Variants in NOX3 observed in about 807,000 individuals in gnomAD.
NOX3 encodes the protein NADPH oxidase 3.
A neutral mutation model predicts 76.7 loss-of-function variants in NOX3; 74 were observed. The ratio of observed to expected loss-of-function variants is 0.96; its 90% CI spans 0.80 to 1.17. The LOEUF (loss-of-function observed/expected upper bound fraction) is 1.17. Ranked by LOEUF, NOX3 falls within the 50% of genes most tolerant of loss-of-function variation. NOX3 has a pLI of 0.00. For missense variants in NOX3, 695 were observed against 703.3 expected, an observed-to-expected ratio of 0.99 and a Z score of 0.13; for synonymous variants, 263 against 261.1, an observed-to-expected ratio of 1.01 and a Z score of -0.07.
intron 10 of NOX3, among the ~76,000 whole-genome samples, chr6:155,414,748 T>A (rs1317114684): frequency 6.6e-6 from 1 of 151,164 alleles, no homozygotes; most frequent in Non-Finnish European, 1.5e-5. Flanking sequence ...CTGCCTCAGC[T>A]TCCCAAGTAG....
At chr6:155,440,598 G>A (rs1173258674) in intron 5 of NOX3, among the ~76,000 whole-genome samples, 2 of 150,930 alleles carry the variant, frequency 1.3e-5, no homozygotes, top group African/African-American at 4.9e-5. Context: ...CCGTGATGCT[G>A]CCTCTGCATT....
In NOX3 at chr6:155,428,825, G is replaced by A; in HGVS notation, c.1114C>T (p.Gln372Ter). 1.3e-6 allele frequency: 2 copies of A among 1,555,034 alleles called. No individual in the cohort carries two copies. Among genetic ancestry groups the A allele is most frequent in the South Asian group, 1.2e-5 (1 of 82,584 alleles). ...ALLEAFGAEG[Q>*]ALQEPWSLPR... ...AGGCTCCAGGGCTCCTGGAGGGCCT[G>A]TCCCTCTGCCCCAAAGGCCTCCAGT... The change falls in exon 9 of 14, where the codon CAG becomes TAG. Residue 372 changes from glutamine to a stop codon, truncating the protein, a stop_gained. Transcript: ENST00000159060. LOFTEE classifies it high-confidence loss of function.
At chr6:155,433,217 AT>A (rs1776857111) in intron 7 of NOX3, among the ~76,000 whole-genome samples, 1 of 152,130 alleles carries the variant, frequency 6.6e-6, no homozygotes, top group Non-Finnish European at 1.5e-5. Flanking sequence ...CTCCATCTCA[AT>A]CTTAGTATAT....
Position 155,455,029 on chromosome 6 carries a change from C to T in NOX3, c.144+5G>A, listed in dbSNP as rs759983477. 3.7e-6 allele frequency: 6 copies of T among 1,602,450 alleles called. No homozygotes were observed. In the African/African-American group the frequency reaches 8.0e-5, roughly 21 times the overall value. ...AAATAATGTTTAATCATAAACTGTA[C>T]TTACACCCAAAATAACTCGTGTGTA... On this transcript the variant is annotated splice_donor_5th_base_variant and intron_variant, in intron 2 of 13. Coordinates refer to ENST00000159060, the MANE Select transcript of NOX3 (RefSeq NM_015718.3).
At chr6:155,443,623 T>C (rs896689143) in intron 4 of NOX3, among the ~76,000 whole-genome samples, 5 of 152,242 alleles carry the variant, frequency 3.3e-5, no homozygotes, top group African/African-American at 1.2e-4. Context: ...AATCTCCACA[T>C]TTATTTAAGT....
At chr6:155,453,370 TG>T in intron 4 of NOX3, 33 bp downstream of exon 4, 2 of 1,457,138 alleles carry the variant, frequency 1.4e-6, no homozygotes, top group Non-Finnish European at 1.9e-6. Flanking sequence ...CATCAGATAT[TG>T]TAAAATCCAT....
In NOX3 at chr6:155,407,255, CTAAAG is replaced by C; in HGVS notation, c.1456-6_1456-2del. 6.2e-7 allele frequency: 1 copy of C among 1,607,592 alleles called. No individual in the cohort carries two copies. Among genetic ancestry groups the C allele is most frequent in the Non-Finnish European group, 8.5e-7 (1 of 1,177,008 alleles). ...CCCAGTGTAAAGCTATGTGAAGAGC[CTAAAG>C]TAAATTTGTGGCATTAGATGACATT... is the stretch of plus-strand genomic sequence containing the variant. On this transcript the variant is annotated splice_acceptor_variant and splice_polypyrimidine_tract_variant and intron_variant, in intron 11 of 13. Transcript: ENST00000159060. LOFTEE classifies it high-confidence loss of function.
At position 155,396,756 on chromosome 6, in the gene NOX3, C is replaced by G. The variant is rs1582921846; in HGVS notation, c.*27+53G>C. 5 of 1,446,898 alleles carry G rather than the reference C, an allele frequency of 3.5e-6. No individual in the cohort carries two copies. The East Asian group carries it at 1.2e-4, about 35-fold the overall frequency. The allele number at this position is 1,446,898 out of a possible 1,614,324, so 89.6% of individuals were successfully genotyped here. ...GAGCCTAAAATGATTACTGTTTGGCCCCTTATGGGAAGAGTTTCCCAATCC... is the reference window on the plus strand; with the variant it reads ...GAGCCTAAAATGATTACTGTTTGGCGCCTTATGGGAAGAGTTTCCCAATCC... On this transcript the variant is annotated intron_variant, in intron 13 of 13. Coordinates refer to ENST00000159060, the MANE Select transcript of NOX3 (RefSeq NM_015718.3).
intron 1 of NOX3, 149 bp from the exon 2 acceptor site, chr6:155,455,278 T>C: frequency 1.7e-6 from 1 of 603,158 alleles, no homozygotes; most frequent in Non-Finnish European, 2.9e-6. Context: ...CATAGATTAG[T>C]TTTTAATAGG....
chr6:155,427,935 C>T (rs544597689), intron 9 of NOX3, among the ~76,000 whole-genome samples: 1 of 152,174 alleles, frequency 6.6e-6, no homozygotes, highest in Non-Finnish European at 1.5e-5. Context: ...AGGTCTCACT[C>T]TGTCACCCAG....
chr6:155,409,373 AGT>A (rs1053694334), intron 11 of NOX3, among the ~76,000 whole-genome samples: 1 of 152,222 alleles, frequency 6.6e-6, no homozygotes, highest in African/African-American at 2.4e-5. Context: ...ACAGCTAGTG[AGT>A]GGGAGTCAGG....
In NOX3 at chr6:155,411,305, A is replaced by G. The variant is rs768648103; in HGVS notation, c.1364T>C (p.Leu455Pro). Residue 455 changes from leucine to proline, a missense_variant, in exon 11 of 14, where the codon CTC (leucine) becomes CCC (proline). Transcript: ENST00000159060. ...DARAFEWFAD[L>P]LLSLETRMSE... ...CATCCGTGTTTCCAGGGAGAGTAAG[A>G]GATCAGCAAACCACTCAAAAGCTCT... The G allele has an allele frequency of 6.2e-7, 1 of 1,613,970 alleles. No homozygotes were observed. The highest frequency in any genetic ancestry group is 8.5e-7 in the Non-Finnish European group (1 of 1,179,956).
chr6:155,445,944 TA>T (rs1777056334), intron 4 of NOX3, among the ~76,000 whole-genome samples: 1 of 140,520 alleles, frequency 7.1e-6, no homozygotes, highest in Middle Eastern at 3.6e-3. Flanking sequence ...TATAGATATA[TA>T]ATATATATAT....
At chr6:155,426,412 C>A (rs923157719) in intron 9 of NOX3, among the ~76,000 whole-genome samples, 1 of 152,160 alleles carries the variant, frequency 6.6e-6, no homozygotes, top group Non-Finnish European at 1.5e-5. Context: ...AAATATTTAA[C>A]ATGCCAGGTG....
At chr6:155,409,328 G>A (rs146605763) in intron 11 of NOX3, among the ~76,000 whole-genome samples, 1 of 152,290 alleles carries the variant, frequency 6.6e-6, no homozygotes, top group East Asian at 1.9e-4. Context: ...TCCTTTGGTG[G>A]CTCTGGTGCC....
intron 9 of NOX3, among the ~76,000 whole-genome samples, chr6:155,427,028 T>TGTGCGC (rs796489805): frequency 4.9e-5 from 6 of 121,792 alleles, no homozygotes; most frequent in African/African-American, 2.0e-4. Context: ...TGTGTGTGTG[T>TGTGCGC]GCTGGGGGGG....
chr6:155,419,517 C>T (rs545379514), intron 10 of NOX3, among the ~76,000 whole-genome samples: 6 of 152,302 alleles, frequency 3.9e-5, no homozygotes, highest in African/African-American at 1.4e-4. Flanking sequence ...CTTCCTTTCT[C>T]CCATATGACA....
At chr6:155,447,810 T>G (rs1777083125) in intron 4 of NOX3, among the ~76,000 whole-genome samples, 1 of 152,246 alleles carries the variant, frequency 6.6e-6, no homozygotes. Flanking sequence ...TACAGCAATC[T>G]TGGCTTGGAG....
At chr6:155,445,586 C>A (rs1013292308) in intron 4 of NOX3, among the ~76,000 whole-genome samples, 3 of 152,094 alleles carry the variant, frequency 2.0e-5, no homozygotes, top group Admixed American at 1.3e-4. Context: ...AAGTTGACTT[C>A]TATCACACAT....
Sources: allele counts gnomAD v4.1 joint callset (sites outside exome capture counted in the v4.1 genomes callset), GRCh38; gene constraint gnomAD v4.1.1; transcripts MANE v1.5; gene names NCBI Gene and HGNC (gene_info 2026-07-23, HGNC 2026-07-21).